The following SNX2 variants were observed in gnomAD, a reference collection of about 807,000 sequenced individuals.
SNX2 encodes sorting nexin 2, also known as sorting nexin-2.
SNX2 carries 25 observed loss-of-function variants against 69.9 expected under a neutral mutation model. That is an observed-to-expected ratio of 0.36 (90% confidence interval 0.26 to 0.50). The LOEUF is 0.50. Among genes scored for constraint, SNX2 ranks in the 20% least tolerant of loss-of-function variants. The probability of loss-of-function intolerance (pLI) is 0.97; values close to 1 mark genes in which losing one functional copy is unlikely to be tolerated. For synonymous variants in SNX2, 229 were observed against 200.4 expected (o/e 1.14, Z -1.20); for missense variants, 551 against 613.3 (o/e 0.90, Z 1.07).
chr5:122,801,714 T>G (rs1445162987), intron 3 of SNX2, among the ~76,000 whole-genome samples, 155 bp from the exon 4 acceptor site: 1 of 147,578 alleles, frequency 6.8e-6, no homozygotes, highest in Non-Finnish European at 1.5e-5. Context: ...TCAGGAAATG[T>G]GAAAGTTTTT....
intron 9 of SNX2, 121 bp downstream of exon 9, chr5:122,817,149 A>G (rs1001715815): frequency 4.4e-6 from 5 of 1,125,164 alleles, no homozygotes; most frequent in Non-Finnish European, 6.6e-6. Context: ...GTTCTCAGCC[A>G]CATCAGTTGG....
chr5:122,812,138 T>G (rs773665429), intron 7 of SNX2, among the ~76,000 whole-genome samples: 11 of 152,244 alleles, frequency 7.2e-5, no homozygotes, highest in Non-Finnish European at 1.3e-4. Flanking sequence ...ACTTCTACTT[T>G]AATACAGAAC....
intron 11 of SNX2, 47 bp from the exon 12 acceptor site, chr5:122,826,003 T>A (rs1273006073): frequency 1.9e-6 from 3 of 1,561,046 alleles, no homozygotes; most frequent in Non-Finnish European, 2.6e-6. Context: ...TAAGAAAGTA[T>A]TTTAAATGTT....
At chr5:122,806,310 G>C (rs1267337860) in intron 6 of SNX2, among the ~76,000 whole-genome samples, 2 of 152,036 alleles carry the variant, frequency 1.3e-5, no homozygotes, top group East Asian at 3.9e-4. Flanking sequence ...GTGAAGTCTT[G>C]AATAATTATT....
chr5:122,825,173 G>A (rs1018018602), intron 11 of SNX2, among the ~76,000 whole-genome samples: 1 of 152,026 alleles, frequency 6.6e-6, no homozygotes, highest in African/African-American at 2.4e-5. Flanking sequence ...CTCGGGTTTA[G>A]TGCTTCCTGG....
intron 3 of SNX2, among the ~76,000 whole-genome samples, chr5:122,801,392 G>A (rs999947256): frequency 6.6e-6 from 1 of 152,048 alleles, no homozygotes; most frequent in Admixed American, 6.6e-5. Context: ...ATCACCTGAG[G>A]TCAGGAGTTC....
intron 6 of SNX2, among the ~76,000 whole-genome samples, chr5:122,805,302 A>G (rs1453843410): frequency 6.6e-6 from 1 of 151,756 alleles, no homozygotes; most frequent in African/African-American, 2.4e-5. Flanking sequence ...AAAAAAAAAA[A>G]AAAAAGAATT....
At chr5:122,787,423 G>T (rs534193218) in intron 1 of SNX2, among the ~76,000 whole-genome samples, 2 of 152,226 alleles carry the variant, frequency 1.3e-5, no homozygotes, top group African/African-American at 4.8e-5. Flanking sequence ...GGGAGGCTGA[G>T]GTAGGAGAAT....
rs894621237 is a variant in SNX2, at chr5:122,832,394, C to G, written c.*2746C>G. On this transcript the variant is annotated 3_prime_UTR_variant, in exon 15 of 15. Coordinates refer to ENST00000379516, the MANE Select transcript of SNX2 (RefSeq NM_003100.4). The stretch of plus-strand genomic sequence containing the variant: ...ATCAAAGAACTTCTATTAAGTAAAA[C>G]AAGACAAAATGTGTGTAAAAATATG... The G allele has an allele frequency of 6.6e-6, 1 of 151,558 alleles. No homozygotes were observed. The highest frequency in any genetic ancestry group is 1.5e-5 in the Non-Finnish European group (1 of 67,908). The allele number at this position is 151,558 out of a possible 1,614,324, so 9.4% of individuals were successfully genotyped here. A position where few individuals can be genotyped will look rare whatever the true frequency, so the allele number is the denominator to read the frequency against.
At chr5:122,808,778 G>T in intron 7 of SNX2, 1 of 157,304 alleles carries the variant, frequency 6.4e-6, no homozygotes, top group Admixed American at 6.2e-5. Flanking sequence ...ATCCCACTTT[G>T]GTCTTATTTA....
chr5:122,832,241 A>T lies in SNX2; in HGVS notation c.*2593A>T, dbSNP rs113374100. ...TGTTTCATTTAGTATGACTTTGGGC[A>T]TATCACTTAAATCTCTTATCTATAA... On this transcript the variant is annotated 3_prime_UTR_variant, in exon 15 of 15. Transcript: ENST00000379516. 5.9e-5 allele frequency: 9 copies of T among 152,326 alleles called. No individual in the cohort carries two copies. Among genetic ancestry groups the T allele is most frequent in the Admixed American group, 2.6e-4 (4 of 15,308 alleles). 9.4% of individuals were successfully genotyped at this position (152,326 alleles called of 1,614,324 possible).
chr5:122,832,622 A>AT lies in SNX2; in HGVS notation c.*2975dup, dbSNP rs1335827518. On this transcript the variant is annotated 3_prime_UTR_variant, in exon 15 of 15. Coordinates refer to ENST00000379516, the MANE Select transcript of SNX2 (RefSeq NM_003100.4). ...AAAAGTAATTGCGTCCTTTGTCGTT[A>AT]TATAAATTGTTTTATAAATGGCTTT... 3 of 151,980 alleles carry AT rather than the reference A, an allele frequency of 2.0e-5. No individual in the cohort carries two copies. The highest frequency in any genetic ancestry group is 7.2e-5 in the African/African-American group (3 of 41,418). 9.4% of individuals were successfully genotyped at this position (151,980 alleles called of 1,614,324 possible). A position where few individuals can be genotyped will look rare whatever the true frequency, so the allele number is the denominator to read the frequency against.
At chr5:122,806,137 C>T (rs200838411) in intron 6 of SNX2, among the ~76,000 whole-genome samples, 30,340 of 112,986 alleles carry the variant, frequency 0.27, 3,756 homozygotes, top group East Asian at 0.59. Flanking sequence ...TATACACACG[C>T]GCGCGCACAC....
At chr5:122,801,652 C>CATGTGTGTGTGTGTGTGTGTGTGT (rs113836294) in intron 3 of SNX2, among the ~76,000 whole-genome samples, 1 of 132,056 alleles carries the variant, frequency 7.6e-6, no homozygotes, top group African/African-American at 3.0e-5. Flanking sequence ...TGGTCTTTTT[C>CATGTGTGTGTGTGTGTGTGTGTGT]GTGTGTGTGT....
intron 7 of SNX2, among the ~76,000 whole-genome samples, chr5:122,809,820 T>C (rs1404126371): frequency 6.6e-6 from 1 of 152,176 alleles, no homozygotes; most frequent in African/African-American, 2.4e-5. Context: ...AGCTAAAGAA[T>C]ATGTAGTTTA....
chr5:122,785,280 T>G (rs932720620), intron 1 of SNX2, among the ~76,000 whole-genome samples: 2 of 151,464 alleles, frequency 1.3e-5, no homozygotes, highest in Non-Finnish European at 2.9e-5. Context: ...AGTTTTTTTT[T>G]GTTGTTGTTG....
intron 1 of SNX2, among the ~76,000 whole-genome samples, chr5:122,790,307 G>C (rs770248642): frequency 2.0e-5 from 3 of 152,102 alleles, no homozygotes; most frequent in Non-Finnish European, 4.4e-5. Flanking sequence ...ATTTAATAGA[G>C]ACGGGGTTTC....
At chr5:122,822,228 C>G (rs930288311) in intron 11 of SNX2, among the ~76,000 whole-genome samples, 1 of 152,120 alleles carries the variant, frequency 6.6e-6, no homozygotes, top group Non-Finnish European at 1.5e-5. Flanking sequence ...GTAGCTGGGA[C>G]TATAGGCGTG....
rs1252986591 is a variant in SNX2 at position 122,796,992 on chromosome 5, A to G, written c.226+1609A>G. Among the ~76,000 whole-genome samples the G allele has an allele frequency of 2.0e-5, 3 of 152,246 alleles. 1 individual carries two copies. On this transcript the variant is annotated intron_variant, in intron 2 of 14. Coordinates refer to ENST00000379516, the MANE Select transcript of SNX2 (RefSeq NM_003100.4). The stretch of plus-strand genomic sequence containing the variant: ...ACCCAAGCTGGAGTATAGCCATGCC[A>G]TCATAGCTCACAGCAGCTTTGAACT...
Sources: gnomAD v4.1 joint callset for allele counts (sites outside exome capture counted in the v4.1 genomes callset) on GRCh38, gnomAD v4.1.1 for gene constraint, MANE v1.5 for transcripts, NCBI Gene and HGNC (gene_info 2026-07-23, HGNC 2026-07-21) for gene names.